The following PIAS2 variants were observed in gnomAD, a reference collection of about 807,000 sequenced individuals.
PIAS2 encodes E3 SUMO-protein ligase PIAS2.
Under a neutral mutation model 69.7 loss-of-function variants are expected in PIAS2, and 19 were observed. The observed-to-expected ratio is 0.27, with a 90% CI of 0.19 to 0.40. The LOEUF (loss-of-function observed/expected upper bound fraction) is 0.40. Ranked by LOEUF, PIAS2 falls within the 10% of genes least tolerant of loss-of-function variation. The pLI is 1.00. For synonymous variants in PIAS2, 261 were observed against 263.2 expected (o/e 0.99, Z 0.08); for missense variants, 624 against 757.0 (o/e 0.82, Z 2.06).
chr18:46,807,828 G>A lies in PIAS2; in HGVS notation c.*4605C>T, dbSNP rs1334963995. On this transcript the variant is annotated 3_prime_UTR_variant, in exon 14 of 14. Coordinates refer to ENST00000585916, the MANE Select transcript of PIAS2 (RefSeq NM_004671.5). ...GCAGATGCCTGCATAAAGATAAAAC[G>A]TTGCATGTTCTTGGAAAATATGGCT... is the stretch of plus-strand genomic sequence containing the variant. 3.9e-5 allele frequency: 6 copies of A among 152,184 alleles called. No individual in the cohort carries two copies. The highest frequency in any genetic ancestry group is 8.8e-5 in the Non-Finnish European group (6 of 68,036). 9.4% of individuals were successfully genotyped at this position (152,184 alleles called of 1,614,324 possible).
intron 9 of PIAS2, among the ~76,000 whole-genome samples, chr18:46,830,654 C>T (rs1911707641): frequency 6.6e-6 from 1 of 151,954 alleles, no homozygotes; most frequent in Non-Finnish European, 1.5e-5. Flanking sequence ...ACAGAAAAAT[C>T]AGTTTCTAGT....
In PIAS2 at chr18:46,900,633, T is replaced by C. The variant is rs999664666; in HGVS notation, c.25-9579A>G. Among the ~76,000 whole-genome samples, 3 of 151,834 alleles carry C rather than the reference T, an allele frequency of 2.0e-5. 1 individual carries two copies. The highest frequency in any genetic ancestry group is 2.4e-5 in the African/African-American group (1 of 41,368). On this transcript the variant is annotated intron_variant, in intron 1 of 13. Transcript: ENST00000585916. ...TTGAGGCTGCAGTGAGCTATAATCA[T>C]GCCAATATTCCCAGCCTGGGTGACA...
chr18:46,909,906 C>G (rs966982463), intron 1 of PIAS2, among the ~76,000 whole-genome samples: 12 of 152,158 alleles, frequency 7.9e-5, no homozygotes, highest in African/African-American at 2.9e-4. Context: ...GTAGCTCACA[C>G]CTGTGATCCC....
intron 1 of PIAS2, chr18:46,916,968 C>A: frequency 1.1e-5 from 11 of 985,848 alleles, no homozygotes; most frequent in Non-Finnish European, 1.3e-5. Context: ...GGTGAAGGTG[C>A]AAGATCAAAC....
intron 1 of PIAS2, among the ~76,000 whole-genome samples, chr18:46,895,216 G>C (rs552932279): frequency 6.6e-6 from 1 of 152,074 alleles, no homozygotes; most frequent in Non-Finnish European, 1.5e-5. Flanking sequence ...TAGAATTTGG[G>C]GAAGTGCTAA....
intron 9 of PIAS2, among the ~76,000 whole-genome samples, chr18:46,833,362 T>C (rs1447694196): frequency 6.6e-6 from 1 of 152,166 alleles, no homozygotes; most frequent in Non-Finnish European, 1.5e-5. Flanking sequence ...ACAGAAAGCA[T>C]ATCAGTGTTT....
At chr18:46,918,995 GTATA>G (rs376088999), upstream of PIAS2, among the ~76,000 whole-genome samples, 378 of 147,550 alleles carry the variant, frequency 2.6e-3, 2 homozygotes, top group African/African-American at 9.0e-3. Flanking sequence ...GTGTGTGCGT[GTATA>G]TATATATATG....
At chr18:46,875,248 T>C (rs965935164) in intron 2 of PIAS2, among the ~76,000 whole-genome samples, 1 of 152,088 alleles carries the variant, frequency 6.6e-6, no homozygotes, top group African/African-American at 2.4e-5. Context: ...CATGGAGCCT[T>C]AAAAAGTCCC....
chr18:46,870,644 A>T (rs1018072880), intron 2 of PIAS2, among the ~76,000 whole-genome samples: 5 of 148,366 alleles, frequency 3.4e-5, no homozygotes, highest in South Asian at 2.1e-4. Flanking sequence ...AAAAAAAAAA[A>T]GGAACTCGAG....
intron 13 of PIAS2, among the ~76,000 whole-genome samples, chr18:46,813,184 G>A (rs1039231691): frequency 7.2e-5 from 11 of 152,016 alleles, no homozygotes; most frequent in African/African-American, 1.9e-4. Context: ...CAGACTACAC[G>A]GTAGCTAGCT....
chr18:46,821,519 T>C (rs975186195), intron 11 of PIAS2, among the ~76,000 whole-genome samples: 1 of 152,156 alleles, frequency 6.6e-6, no homozygotes, highest in Non-Finnish European at 1.5e-5. Flanking sequence ...AATCCAAATT[T>C]CTTCAAGTCT....
intron 1 of PIAS2, among the ~76,000 whole-genome samples, chr18:46,896,741 T>A (rs1298060613): frequency 3.9e-5 from 6 of 152,240 alleles, no homozygotes; most frequent in Non-Finnish European, 8.8e-5. Context: ...GAAGTCTTTG[T>A]GTAACACAAT....
chr18:46,835,598 A>G (rs1473846902), intron 9 of PIAS2, among the ~76,000 whole-genome samples: 1 of 152,122 alleles, frequency 6.6e-6, no homozygotes, highest in African/African-American at 2.4e-5. Flanking sequence ...GGCTTAAAAC[A>G]TTTTCAAGTT....
At chr18:46,895,303 G>GAAGACGAGAAGC (rs1299596822) in intron 1 of PIAS2, among the ~76,000 whole-genome samples, 1 of 152,112 alleles carries the variant, frequency 6.6e-6, no homozygotes, top group Non-Finnish European at 1.5e-5. Flanking sequence ...TAATACAGGA[G>GAAGACGAGAAGC]AAGACGAGAA....
intron 1 of PIAS2, among the ~76,000 whole-genome samples, chr18:46,916,613 ATCT>A (rs1297156652): frequency 6.6e-6 from 1 of 152,176 alleles, no homozygotes; most frequent in Non-Finnish European, 1.5e-5. Context: ...TAAAGTTATG[ATCT>A]TGTTTTAAGA....
chr18:46,876,839 G>A (rs935133475), intron 2 of PIAS2, among the ~76,000 whole-genome samples: 1 of 152,084 alleles, frequency 6.6e-6, no homozygotes, highest in South Asian at 2.1e-4. Context: ...TGGGACTACA[G>A]GTGACTGCCA....
At chr18:46,877,017 G>GC (rs1568669293) in intron 2 of PIAS2, among the ~76,000 whole-genome samples, 18 of 152,062 alleles carry the variant, frequency 1.2e-4, no homozygotes, top group African/African-American at 4.3e-4. Flanking sequence ...CTAATTTAAT[G>GC]GAAAAATGGT....
At chr18:46,890,220 CAG>C (rs762421349) in intron 2 of PIAS2, among the ~76,000 whole-genome samples, 1 of 152,152 alleles carries the variant, frequency 6.6e-6, no homozygotes, top group South Asian at 2.1e-4. Flanking sequence ...TTAATGGGTA[CAG>C]AGTTTCAGCT....
Position 46,811,019 on chromosome 18 carries a change from G to A in PIAS2, c.*1414C>T, listed in dbSNP as rs570365282. On this transcript the variant is annotated 3_prime_UTR_variant, in exon 14 of 14. Transcript: ENST00000585916. The stretch of plus-strand genomic sequence containing the variant: ...GCAAACTAAAAAACTGGATGAAAAT[G>A]TTTCTCTAAGAGTAAAACCCAGTTT... 2 of 152,226 alleles carry A rather than the reference G, an allele frequency of 1.3e-5. No individual in the cohort carries two copies. The highest frequency in any genetic ancestry group is 4.8e-5 in the African/African-American group (2 of 41,546). The allele number at this position is 152,226 out of a possible 1,614,324, so 9.4% of individuals were successfully genotyped here.
Sources: gnomAD v4.1 joint callset for allele counts (sites outside exome capture counted in the v4.1 genomes callset) on GRCh38, gnomAD v4.1.1 for gene constraint, MANE v1.5 for transcripts, NCBI Gene and HGNC (gene_info 2026-07-23, HGNC 2026-07-21) for gene names.